Variants in KMT2C observed in about 807,000 individuals in gnomAD.
KMT2C encodes histone-lysine N-methyltransferase 2C.
Under a neutral mutation model 507.9 loss-of-function variants are expected in KMT2C, and 88 were observed. The ratio of observed to expected loss-of-function variants is 0.17; its 90% CI spans 0.15 to 0.21. KMT2C has a LOEUF of 0.21. KMT2C is among the 10% of genes least tolerant of loss of function. The probability of loss-of-function intolerance (pLI) is 1.00; values close to 1 mark genes in which losing one functional copy is unlikely to be tolerated. For synonymous variants in KMT2C, 2,049 were observed against 2,080.8 expected (o/e 0.98, Z 0.42); for missense variants, 4,954 against 5,957.8 (o/e 0.83, Z 5.55).
At chr7:152,257,224 T>C (rs776696816) in intron 9 of KMT2C, among the ~76,000 whole-genome samples, 42 of 152,284 alleles carry the variant, frequency 2.8e-4, no homozygotes, top group Non-Finnish European at 5.3e-4. Flanking sequence ...CTGGAAGTGA[T>C]TTCCAGATTT....
At chr7:152,203,746 A>G (rs1350488850) in intron 25 of KMT2C, among the ~76,000 whole-genome samples, 3 of 152,176 alleles carry the variant, frequency 2.0e-5, no homozygotes, top group African/African-American at 7.2e-5. Context: ...GAAAATCAAT[A>G]TGGGCACTCT....
At chr7:152,363,467 A>C (rs932644202) in intron 1 of KMT2C, among the ~76,000 whole-genome samples, 4 of 152,212 alleles carry the variant, frequency 2.6e-5, no homozygotes, top group African/African-American at 9.6e-5. Context: ...CATGGGAGTA[A>C]GACAGGTCAA....
In KMT2C at chr7:152,176,686, C is replaced by T. The variant is rs2093226029; in HGVS notation, c.8767G>A (p.Ala2923Thr). ...TCTGAATTATCAGATTTCTCATTAG[C>T]AAGTAAACTTGAGAGAACTGGAGTT... ...GSTPVLSSLLANEKSDNSDIR... is the reference protein window; with the variant it reads ...GSTPVLSSLLTNEKSDNSDIR... The change falls in exon 38 of 59, where the codon GCT becomes ACT. Residue 2923 changes from alanine (A) to threonine (T), a missense_variant. Ala to Thr is a moderately conservative substitution (Grantham distance 58). Transcript: ENST00000262189. 1 of 1,614,004 alleles carries T rather than the reference C, an allele frequency of 6.2e-7. No homozygotes were observed. Among genetic ancestry groups the T allele is most frequent in the Non-Finnish European group, 8.5e-7 (1 of 1,180,042 alleles).
At chr7:152,390,356 A>G in intron 1 of KMT2C, among the ~76,000 whole-genome samples, 4 of 152,308 alleles carry the variant, frequency 2.6e-5, no homozygotes. Context: ...TTATGTTAAG[A>G]TATTTTAAAT....
chr7:152,334,729 C>T (rs1056536649), intron 2 of KMT2C, among the ~76,000 whole-genome samples: 2 of 152,090 alleles, frequency 1.3e-5, no homozygotes, highest in Non-Finnish European at 2.9e-5. Context: ...GCAATGCTGC[C>T]AATGAGGCGC....
At position 152,181,631 on chromosome 7, in the gene KMT2C, A is replaced by G. The variant is rs751575314; in HGVS notation, c.6229T>C (p.Leu2077=). The G allele has an allele frequency of 7.4e-6, 12 of 1,614,140 alleles. No homozygotes were observed. The South Asian group carries it at 1.2e-4, about 16-fold the overall frequency. ...AAATTATCTATAGGTCTTGGTGTCA[A>G]AGCAGGCCTTTCATAAGGGTCAACA... The part of the protein sequence containing the change: ...LSVDPYERPA[L]TPRPIDNFSH... Residue 2077 remains leucine, a synonymous_variant, in exon 36 of 59, where the codon TTG becomes CTG. Coordinates refer to ENST00000262189, the MANE Select transcript of KMT2C (RefSeq NM_170606.3).
chr7:152,196,662 G>A (rs1024927948), intron 27 of KMT2C, among the ~76,000 whole-genome samples: 21 of 152,164 alleles, frequency 1.4e-4, no homozygotes, highest in African/African-American at 4.8e-4. Flanking sequence ...AAACGACATC[G>A]CTGTAAGTGC....
Position 152,140,426 on chromosome 7 carries a change from G to A in KMT2C, c.14344-635C>T, listed in dbSNP as rs542340335. Among the ~76,000 whole-genome samples, 4 of 152,344 alleles carry A rather than the reference G, an allele frequency of 2.6e-5. 1 individual carries two copies. The South Asian group carries it at 8.3e-4, about 32-fold the overall frequency. The stretch of plus-strand genomic sequence containing the variant: ...CTGAAATGGAAGCAGCTCTCACTGC[G>A]CAGCTTGTACTCCCGTGCTGGTGGC... On this transcript the variant is annotated intron_variant, in intron 55 of 58. Coordinates refer to ENST00000262189, the MANE Select transcript of KMT2C (RefSeq NM_170606.3).
At chr7:152,395,207 C>T (rs1057513430) in intron 1 of KMT2C, among the ~76,000 whole-genome samples, 5 of 152,116 alleles carry the variant, frequency 3.3e-5, no homozygotes, top group African/African-American at 1.2e-4. Flanking sequence ...TTTGTTGAGA[C>T]AGGGTCTTGC....
In KMT2C at chr7:152,221,390, C is replaced by T. The variant is rs374034857; in HGVS notation, c.3499+611G>A. Among the ~76,000 whole-genome samples, 11 of 152,124 alleles carry T rather than the reference C, an allele frequency of 7.2e-5. No individual in the cohort carries two copies. In the East Asian group the frequency reaches 1.5e-3, roughly 21 times the overall value. On this transcript the variant is annotated intron_variant, in intron 22 of 58. Coordinates refer to ENST00000262189, the MANE Select transcript of KMT2C (RefSeq NM_170606.3). ...AGATCAAAAGGCAGGGATCTATTTA[C>T]GTAAGAGAAGAGAGAATACTCCAGA... is the stretch of plus-strand genomic sequence containing the variant.
At chr7:152,424,281 A>C (rs2097796759) in intron 1 of KMT2C, among the ~76,000 whole-genome samples, 1 of 151,956 alleles carries the variant, frequency 6.6e-6, no homozygotes, top group Admixed American at 6.6e-5. Context: ...ACCCAGCTCC[A>C]AATACTCTTT....
intron 1 of KMT2C, among the ~76,000 whole-genome samples, chr7:152,359,415 T>C (rs1346874465): frequency 6.6e-6 from 1 of 152,034 alleles, no homozygotes; most frequent in Non-Finnish European, 1.5e-5. Flanking sequence ...ACTTGGAAAC[T>C]GACAAAGCAG....
At chr7:152,360,556 G>A (rs944116088) in intron 1 of KMT2C, among the ~76,000 whole-genome samples, 2 of 151,388 alleles carry the variant, frequency 1.3e-5, no homozygotes, top group Non-Finnish European at 2.9e-5. Context: ...GTGACCAGCC[G>A]GGCGTAGTGG....
At chr7:152,258,098 A>G (rs530160368) in intron 9 of KMT2C, among the ~76,000 whole-genome samples, 1 of 152,176 alleles carries the variant, frequency 6.6e-6, no homozygotes, top group South Asian at 2.1e-4. Flanking sequence ...CCCATTCCCC[A>G]CTAAAGGAAT....
chr7:152,365,188 A>G (rs189207439), intron 1 of KMT2C, among the ~76,000 whole-genome samples: 6 of 152,330 alleles, frequency 3.9e-5, no homozygotes, highest in Non-Finnish European at 7.3e-5. Context: ...ACACTGAACA[A>G]AACATGCAGC....
intron 1 of KMT2C, among the ~76,000 whole-genome samples, chr7:152,408,202 C>A (rs1446366914): frequency 6.6e-6 from 1 of 151,446 alleles, no homozygotes; most frequent in African/African-American, 2.4e-5. Flanking sequence ...GCATGAGAAT[C>A]GCTGAATCCA....
intron 6 of KMT2C, among the ~76,000 whole-genome samples, chr7:152,295,595 ACT>A (rs2096483875): frequency 1.3e-5 from 2 of 152,218 alleles, no homozygotes; most frequent in Admixed American, 6.5e-5. Flanking sequence ...AATAATAGAC[ACT>A]GTTTATTGCC....
chr7:152,386,049 T>C (rs1448834460), intron 1 of KMT2C, among the ~76,000 whole-genome samples: 1 of 150,898 alleles, frequency 6.6e-6, no homozygotes, highest in African/African-American at 2.4e-5. Context: ...ATCATACCAC[T>C]GCACTCCAGC....
At chr7:152,307,235 A>AAGGAAGGAAGGAAGGAAGGACGGT (rs2096625778) in intron 6 of KMT2C, among the ~76,000 whole-genome samples, 1 of 129,638 alleles carries the variant, frequency 7.7e-6, no homozygotes, top group Non-Finnish European at 1.5e-5. Flanking sequence ...GGAAGGAAGG[A>AAGGAAGGAAGGAAGGAAGGACGGT]AGGAAGGAAG....
Sources: gnomAD v4.1 joint callset for allele counts (sites outside exome capture counted in the v4.1 genomes callset) on GRCh38, gnomAD v4.1.1 for gene constraint, MANE v1.5 for transcripts, NCBI Gene and HGNC (gene_info 2026-07-23, HGNC 2026-07-21) for gene names.